Variants in ZBTB20 observed in about 807,000 individuals in gnomAD.
ZBTB20 encodes the protein zinc finger and BTB domain-containing protein 20.
In ZBTB20, 9 loss-of-function variants were observed where a neutral mutation model predicts 56.9. The observed-to-expected ratio is 0.16, with a 90% confidence interval of 0.10 to 0.28. The LOEUF (loss-of-function observed/expected upper bound fraction) is 0.28. Among genes scored for constraint, ZBTB20 ranks in the 10% least tolerant of loss-of-function variants. The pLI is 1.00. For missense variants in ZBTB20, 655 were observed against 1,003.0 expected (o/e 0.65, Z 4.69); for synonymous variants, 417 against 420.7 (o/e 0.99, Z 0.11).
intron 4 of ZBTB20, among the ~76,000 whole-genome samples, chr3:114,853,448 C>T (rs74424780): frequency 6.6e-6 from 1 of 152,198 alleles, no homozygotes; most frequent in African/African-American, 2.4e-5. Flanking sequence ...TGTTGCACAG[C>T]AACATATGCG....
intron 3 of ZBTB20, among the ~76,000 whole-genome samples, chr3:114,928,133 C>A (rs1341542473): frequency 6.6e-6 from 1 of 152,228 alleles, no homozygotes; most frequent in Admixed American, 6.5e-5. Context: ...GTGTAAAATT[C>A]TATAACTACA....
intron 6 of ZBTB20, among the ~76,000 whole-genome samples, chr3:114,581,146 G>T (rs1157611394): frequency 1.3e-5 from 2 of 151,966 alleles, no homozygotes; most frequent in Non-Finnish European, 2.9e-5. Flanking sequence ...ATAGGCAAAA[G>T]ATGGCATTAT....
chr3:114,394,955 A>AT (rs1477788078), intron 7 of ZBTB20, among the ~76,000 whole-genome samples: 1 of 152,098 alleles, frequency 6.6e-6, no homozygotes, highest in Non-Finnish European at 1.5e-5. Context: ...TAAAGTTCCT[A>AT]TTTTTTTACA....
At chr3:114,637,785 T>C (rs2059355178) in intron 6 of ZBTB20, among the ~76,000 whole-genome samples, 1 of 152,110 alleles carries the variant, frequency 6.6e-6, no homozygotes, top group Admixed American at 6.6e-5. Context: ...ATAACATGTG[T>C]TCCTGCTTTT....
chr3:114,908,637 G>A (rs2075407554), intron 3 of ZBTB20, among the ~76,000 whole-genome samples: 1 of 151,886 alleles, frequency 6.6e-6, no homozygotes, highest in African/African-American at 2.4e-5. Context: ...CCATAAATGA[G>A]TCAGCAGATG....
intron 3 of ZBTB20, among the ~76,000 whole-genome samples, chr3:114,969,178 T>C (rs2077769174): frequency 6.6e-6 from 1 of 152,208 alleles, no homozygotes; most frequent in African/African-American, 2.4e-5. Context: ...ATCTATAACA[T>C]CTACAAAGTT....
intron 6 of ZBTB20, among the ~76,000 whole-genome samples, chr3:114,688,668 C>G (rs573663488): frequency 4.6e-5 from 7 of 152,062 alleles, no homozygotes; most frequent in African/African-American, 1.7e-4. Context: ...CATGATTAAC[C>G]GATCAATTTG....
chr3:115,035,818 T>G (rs2080891932), intron 2 of ZBTB20, among the ~76,000 whole-genome samples: 1 of 152,150 alleles, frequency 6.6e-6, no homozygotes, highest in Non-Finnish European at 1.5e-5. Flanking sequence ...TGGAAGCAAT[T>G]CAAGTGTCTA....
At chr3:114,483,311 A>T (rs2041754182) in intron 7 of ZBTB20, among the ~76,000 whole-genome samples, 2 of 152,032 alleles carry the variant, frequency 1.3e-5, no homozygotes, top group African/African-American at 4.8e-5. Context: ...TTGTTGCTTC[A>T]AATATGCAGA....
chr3:114,686,007 C>A (rs2062321156), intron 6 of ZBTB20, among the ~76,000 whole-genome samples: 1 of 151,866 alleles, frequency 6.6e-6, no homozygotes, highest in African/African-American at 2.4e-5. Flanking sequence ...TGTTCCAGGA[C>A]CTGAATTTTT....
intron 2 of ZBTB20, among the ~76,000 whole-genome samples, chr3:115,051,901 G>A (rs2081565108): frequency 6.6e-6 from 1 of 151,930 alleles, no homozygotes; most frequent in South Asian, 2.1e-4. Context: ...TTACTATGGA[G>A]GAGCAGGAGA....
intron 2 of ZBTB20, among the ~76,000 whole-genome samples, chr3:115,025,380 G>A (rs1198666798): frequency 6.6e-6 from 1 of 151,146 alleles, no homozygotes; most frequent in African/African-American, 2.4e-5. Flanking sequence ...CCATGACTTT[G>A]CTATTGTGAA....
At chr3:114,696,659 A>C in intron 5 of ZBTB20, among the ~76,000 whole-genome samples, 1 of 152,206 alleles carries the variant, frequency 6.6e-6, no homozygotes, top group Middle Eastern at 3.4e-3. Context: ...TCAGTTAAGC[A>C]AAACCAAATA....
chr3:114,964,519 G>A (rs2077573337), intron 3 of ZBTB20, among the ~76,000 whole-genome samples: 1 of 152,182 alleles, frequency 6.6e-6, no homozygotes, highest in African/African-American at 2.4e-5. Context: ...ATCTGTAGAG[G>A]ATAAATAAGG....
At chr3:115,125,720 T>A (rs1314047637) in intron 1 of ZBTB20, among the ~76,000 whole-genome samples, 1 of 152,138 alleles carries the variant, frequency 6.6e-6, no homozygotes, top group East Asian at 1.9e-4. Flanking sequence ...TTTTAAGTGT[T>A]TTCATCACAA....
rs754743360 is a variant in ZBTB20, at chr3:114,350,632, G to A, written c.1446C>T (p.Thr482=). ...GAGGCATCCTCAGGTTGCTGGTGAG[G>A]GTTTCTGTCTGGCGTAAGTAGAGCT... ...STQLYLRQTE[T]LTSNLRMPLT... is the part of the protein sequence containing the mutation. The change falls in exon 11 of 12, where the codon ACC becomes ACT. Residue 482 remains threonine, a synonymous_variant. Coordinates refer to ENST00000675478, the MANE Select transcript of ZBTB20 (RefSeq NM_001348800.3). 2 of 1,614,202 alleles carry A rather than the reference G, an allele frequency of 1.2e-6. No homozygotes were observed. The highest frequency in any genetic ancestry group is 3.3e-5 in the Admixed American group (2 of 60,026).
chr3:114,627,534 T>C (rs2058716957), intron 6 of ZBTB20, among the ~76,000 whole-genome samples: 1 of 152,098 alleles, frequency 6.6e-6, no homozygotes, highest in Non-Finnish European at 1.5e-5. Context: ...ACTTTACTGT[T>C]AGAGAAGGAA....
intron 2 of ZBTB20, among the ~76,000 whole-genome samples, chr3:114,996,891 A>T (rs1323894596): frequency 6.6e-6 from 1 of 151,978 alleles, no homozygotes; most frequent in Non-Finnish European, 1.5e-5. Context: ...AAAGCTCATC[A>T]TCACTGGTCA....
chr3:114,350,079 T>TG (rs2080526921), intron 11 of ZBTB20, among the ~76,000 whole-genome samples, 195 bp downstream of exon 11: 1 of 152,146 alleles, frequency 6.6e-6, no homozygotes, highest in African/African-American at 2.4e-5. Context: ...CCTGTGACGG[T>TG]GTCTCTTGGT....
Sources: allele counts gnomAD v4.1 joint callset (sites outside exome capture counted in the v4.1 genomes callset), GRCh38; gene constraint gnomAD v4.1.1; transcripts MANE v1.5; gene names NCBI Gene and HGNC (gene_info 2026-07-23, HGNC 2026-07-21).